The following CA8 variants were observed in gnomAD, a reference collection of about 807,000 sequenced individuals.
CA8 encodes carbonic anhydrase 8 (inactive).
Under a neutral mutation model 41.4 loss-of-function variants are expected in CA8, and 22 were observed. The observed-to-expected ratio is 0.53, with a 90% CI of 0.38 to 0.76. The LOEUF is 0.76. CA8 is among the 30% of genes least tolerant of loss of function. The probability of loss-of-function intolerance (pLI) is 0.00; values close to 1 mark genes in which losing one functional copy is unlikely to be tolerated. For synonymous variants in CA8, 121 were observed against 130.6 expected (o/e 0.93, Z 0.50); for missense variants, 270 against 352.8 (o/e 0.77, Z 1.88).
At chr8:60,234,661 C>T (rs1807768983) in intron 3 of CA8, among the ~76,000 whole-genome samples, 1 of 152,162 alleles carries the variant, frequency 6.6e-6, no homozygotes, top group Admixed American at 6.5e-5. Context: ...ACATGTCCAG[C>T]AAAATAACAC....
chr8:60,218,681 G>A (rs374512083), intron 7 of CA8, among the ~76,000 whole-genome samples: 3 of 152,312 alleles, frequency 2.0e-5, no homozygotes, highest in African/African-American at 7.2e-5. Context: ...TTGGGGCTTT[G>A]AAATTTGGGC....
rs528045178 is a variant in CA8 at position 60,190,662 on chromosome 8, G to A, written c.*36-677C>T. Among the ~76,000 whole-genome samples the A allele has an allele frequency of 5.3e-5, 8 of 149,890 alleles. No individual in the cohort carries two copies. The South Asian group carries it at 1.7e-3, about 31-fold the overall frequency. ...GGTAATAAATCTCTATTAAAATTTA[G>A]AATGCATATACTTTTGGACTTGGAA... is the stretch of plus-strand genomic sequence containing the variant. On this transcript the variant is annotated intron_variant, in intron 8 of 8. Coordinates refer to ENST00000317995, the MANE Select transcript of CA8 (RefSeq NM_004056.6).
At chr8:60,224,713 T>A (rs1450311694) in intron 5 of CA8, 128 bp from the exon 6 acceptor site, 6 of 664,352 alleles carry the variant, frequency 9.0e-6, no homozygotes, top group Non-Finnish European at 1.6e-5. Flanking sequence ...CCCACAGACT[T>A]GTGGGTATCT....
chr8:60,269,971 A>C (rs1437482881), intron 2 of CA8, among the ~76,000 whole-genome samples: 1 of 152,216 alleles, frequency 6.6e-6, no homozygotes, highest in Non-Finnish European at 1.5e-5. Context: ...CTGAGAGGTG[A>C]AAAGTGCATG....
chr8:60,217,812 G>A (rs1807074658), intron 7 of CA8, among the ~76,000 whole-genome samples: 1 of 152,150 alleles, frequency 6.6e-6, no homozygotes, highest in Admixed American at 6.5e-5. Context: ...TCAGCCACCA[G>A]GTTCTGCTTC....
chr8:60,218,085 C>G (rs1029305027), intron 7 of CA8, among the ~76,000 whole-genome samples: 1 of 152,190 alleles, frequency 6.6e-6, no homozygotes, highest in Non-Finnish European at 1.5e-5. Flanking sequence ...TTACCGCAAG[C>G]GTTCCCCAAA....
At chr8:60,228,198 G>A (rs992906915) in intron 4 of CA8, among the ~76,000 whole-genome samples, 3 of 152,178 alleles carry the variant, frequency 2.0e-5, no homozygotes, top group Admixed American at 6.5e-5. Context: ...CAATCAAGAC[G>A]TGAACTACTT....
At chr8:60,275,058 C>G (rs912880992) in intron 2 of CA8, among the ~76,000 whole-genome samples, 1 of 152,200 alleles carries the variant, frequency 6.6e-6, no homozygotes, top group African/African-American at 2.4e-5. Flanking sequence ...TCTGTGCCAA[C>G]AACCAGAAAG....
chr8:60,279,979 AAGAG>A, intron 1 of CA8, 99 bp from the exon 2 acceptor site: 1 of 907,572 alleles, frequency 1.1e-6, no homozygotes, highest in Non-Finnish European at 1.7e-6. Context: ...TGATATCATG[AAGAG>A]AGTAATGATA....
At chr8:60,275,935 A>T (rs1804218386) in intron 2 of CA8, among the ~76,000 whole-genome samples, 1 of 152,244 alleles carries the variant, frequency 6.6e-6, no homozygotes, top group Non-Finnish European at 1.5e-5. Context: ...TGTAATCATG[A>T]TGTCAAACAT....
At chr8:60,215,437 T>C (rs988761384) in intron 7 of CA8, among the ~76,000 whole-genome samples, 24 of 147,516 alleles carry the variant, frequency 1.6e-4, no homozygotes, top group Non-Finnish European at 3.3e-4. Flanking sequence ...GGGTGAGGGA[T>C]AAAAGACTAC....
rs1563375990 is a variant in CA8, at chr8:60,259,885, A to C, written c.417+6040T>G. On this transcript the variant is annotated intron_variant, in intron 3 of 8. Transcript: ENST00000317995. ...TATAGGAGATTCCAGGATACCAAAT[A>C]ATCATCATCATAATAATTATTACAT... Among the ~76,000 whole-genome samples, 3 of 151,856 alleles carry C rather than the reference A, an allele frequency of 2.0e-5. No homozygotes were observed. In the South Asian group the frequency reaches 6.2e-4, roughly 32 times the overall value.
chr8:60,231,195 A>G (rs1807635265), intron 4 of CA8, among the ~76,000 whole-genome samples: 1 of 152,208 alleles, frequency 6.6e-6, no homozygotes, highest in African/African-American at 2.4e-5. Context: ...CTTTCTAGTT[A>G]TATAACGCCG....
At chr8:60,206,587 T>C (rs1346099843) in intron 8 of CA8, among the ~76,000 whole-genome samples, 1 of 151,742 alleles carries the variant, frequency 6.6e-6, no homozygotes, top group Non-Finnish European at 1.5e-5. Context: ...CGCTGCCTCT[T>C]GGCCTCTCCT....
chr8:60,262,741 T>G (rs1803774050), intron 3 of CA8, among the ~76,000 whole-genome samples: 3 of 152,232 alleles, frequency 2.0e-5, no homozygotes, highest in Admixed American at 6.5e-5. Flanking sequence ...GCACTGTCAT[T>G]TAAGCATAAA....
Position 60,281,363 on chromosome 8 carries a change from C to G in CA8, c.-216G>C, listed in dbSNP as rs1804424374. ...CCAGAGACCCGCGTGGGAAGCGCGT[C>G]CGGAGGCCCCAGCAGAGCGAGGGAG... On this transcript the variant is annotated 5_prime_UTR_variant, in exon 1 of 9. Transcript: ENST00000317995. The G allele has an allele frequency of 1.8e-6, 1 of 569,196 alleles. No homozygotes were observed. Among genetic ancestry groups the G allele is most frequent in the African/African-American group, 2.0e-5 (1 of 50,972 alleles). The allele number at this position is 569,196 out of a possible 1,614,324, so 35.3% of individuals were successfully genotyped here.
chr8:60,203,063 T>A (rs954848747), intron 8 of CA8, among the ~76,000 whole-genome samples: 17 of 151,980 alleles, frequency 1.1e-4, no homozygotes, highest in Non-Finnish European at 5.9e-5. Flanking sequence ...GGTACTAAAC[T>A]CAGAAAGCAA....
At chr8:60,207,405 A>G (rs998772181) in intron 8 of CA8, among the ~76,000 whole-genome samples, 1 of 152,220 alleles carries the variant, frequency 6.6e-6, no homozygotes, top group African/African-American at 2.4e-5. Context: ...TACTCTTGAA[A>G]TGCTAATGAC....
intron 3 of CA8, among the ~76,000 whole-genome samples, chr8:60,263,474 GA>G (rs112855284): frequency 0.019 from 2,723 of 140,022 alleles, 64 homozygotes; most frequent in African/African-American, 0.06. Context: ...GTGATTTTGA[GA>G]AAAAAAAAAA....
Sources: gnomAD v4.1 joint callset for allele counts (sites outside exome capture counted in the v4.1 genomes callset) on GRCh38, gnomAD v4.1.1 for gene constraint, MANE v1.5 for transcripts, NCBI Gene and HGNC (gene_info 2026-07-23, HGNC 2026-07-21) for gene names.